The following THSD7B variants were observed in gnomAD, a reference collection of about 807,000 sequenced individuals.
THSD7B encodes the protein thrombospondin type-1 domain-containing protein 7B.
In THSD7B, 138 loss-of-function variants were observed where a neutral mutation model predicts 213.6. The observed-to-expected ratio is 0.65, with a 90% CI of 0.56 to 0.74. The LOEUF (loss-of-function observed/expected upper bound fraction) is 0.74. THSD7B is among the 30% of genes least tolerant of loss of function. The probability of loss-of-function intolerance (pLI) is 0.00; values close to 1 mark genes in which losing one functional copy is unlikely to be tolerated. For missense variants in THSD7B, 1,931 were observed against 1,991.5 expected (o/e 0.97, Z 0.58); for synonymous variants, 742 against 687.0 (o/e 1.08, Z -1.25).
intron 13 of THSD7B, among the ~76,000 whole-genome samples, chr2:137,407,271 C>T (rs968710587): frequency 9.2e-5 from 14 of 151,968 alleles, no homozygotes; most frequent in African/African-American, 3.4e-4. Context: ...AATAGCTGTA[C>T]ATTTTTTTCT....
At chr2:137,462,109 C>A (rs1401270345) in intron 15 of THSD7B, among the ~76,000 whole-genome samples, 1 of 152,084 alleles carries the variant, frequency 6.6e-6, no homozygotes, top group Non-Finnish European at 1.5e-5. Flanking sequence ...ATAAGTTTTA[C>A]ATTGTGCAGC....
At chr2:137,607,366 AC>A (rs1173639525) in intron 17 of THSD7B, among the ~76,000 whole-genome samples, 1 of 152,156 alleles carries the variant, frequency 6.6e-6, no homozygotes, top group Non-Finnish European at 1.5e-5. Flanking sequence ...TGTTTTCTGA[AC>A]CATTTCAGTA....
At chr2:136,839,153 C>T (rs1213296437) in intron 1 of THSD7B, among the ~76,000 whole-genome samples, 2 of 152,200 alleles carry the variant, frequency 1.3e-5, no homozygotes, top group Non-Finnish European at 2.9e-5. Context: ...TTTTCCTAGA[C>T]TATGCTTTGA....
At chr2:137,416,190 T>C (rs1686794784) in intron 14 of THSD7B, among the ~76,000 whole-genome samples, 1 of 152,198 alleles carries the variant, frequency 6.6e-6, no homozygotes, top group African/African-American at 2.4e-5. Flanking sequence ...TGTCTTGACT[T>C]ATCCACCTGA....
rs565723040 is a variant in THSD7B, at chr2:137,372,790, G to C, written c.2501-32823G>C. Among the ~76,000 whole-genome samples the C allele has an allele frequency of 4.0e-4, 61 of 151,794 alleles. No individual in the cohort carries two copies. In the East Asian group the frequency reaches 0.011, roughly 28 times the overall value. On this transcript the variant is annotated intron_variant, in intron 12 of 27. Transcript: ENST00000409968. Reference sequence around the variant, plus strand: ...TATACATGTGCCATGCTGGTGTGCTGCACCCATTAACTCGTCATTTAGCAT... The same window carrying C: ...TATACATGTGCCATGCTGGTGTGCTCCACCCATTAACTCGTCATTTAGCAT...
At chr2:137,543,316 G>A (rs2105194725) in intron 15 of THSD7B, among the ~76,000 whole-genome samples, 1 of 151,966 alleles carries the variant, frequency 6.6e-6, no homozygotes, top group African/African-American at 2.4e-5. Context: ...TCTAAGGACA[G>A]GATGGGAGTA....
At chr2:136,954,641 C>CG (rs1450699056) in intron 2 of THSD7B, among the ~76,000 whole-genome samples, 1 of 140,148 alleles carries the variant, frequency 7.1e-6, no homozygotes, top group Non-Finnish European at 1.5e-5. Flanking sequence ...GTGTGAACCC[C>CG]GGGGAGCGGA....
chr2:137,287,311 G>A (rs912765322), intron 12 of THSD7B, among the ~76,000 whole-genome samples: 2 of 152,036 alleles, frequency 1.3e-5, no homozygotes, highest in African/African-American at 4.8e-5. Flanking sequence ...ACCATGTAGG[G>A]CAACTTTCTA....
chr2:137,533,120 G>A (rs1330652109), intron 15 of THSD7B, among the ~76,000 whole-genome samples: 1 of 151,476 alleles, frequency 6.6e-6, no homozygotes, highest in Non-Finnish European at 1.5e-5. Context: ...AAATATTAGA[G>A]AAGCCAAAAT....
At chr2:137,517,941 T>C (rs1680104230) in intron 15 of THSD7B, among the ~76,000 whole-genome samples, 3 of 152,186 alleles carry the variant, frequency 2.0e-5, no homozygotes, top group Admixed American at 2.0e-4. Context: ...CCATGCAACC[T>C]GAACTGCCTA....
chr2:137,360,493 A>C (rs1685228477), intron 12 of THSD7B, among the ~76,000 whole-genome samples: 1 of 152,106 alleles, frequency 6.6e-6, no homozygotes, highest in Non-Finnish European at 1.5e-5. Flanking sequence ...TACCAGGAAA[A>C]TCGGGACACT....
chr2:137,094,368 C>A (rs1377201876), intron 3 of THSD7B, among the ~76,000 whole-genome samples: 1 of 152,148 alleles, frequency 6.6e-6, no homozygotes, highest in South Asian at 2.1e-4. Context: ...GTCAGGATTT[C>A]AAGACCAGCT....
rs150955295 is a variant in THSD7B at position 137,108,484 on chromosome 2, A to C, written c.1200-6640A>C. On this transcript the variant is annotated intron_variant, in intron 4 of 27. Transcript: ENST00000409968. Reference sequence around the variant, plus strand: ...CCTCCCTCAATTTAGAAAATATTTTAATTATGTGATTCCTTCGGTGGGACA... The same window carrying C: ...CCTCCCTCAATTTAGAAAATATTTTCATTATGTGATTCCTTCGGTGGGACA... 4.3e-3 allele frequency among the ~76,000 whole-genome samples: 658 copies of C among 152,260 alleles called. 4 individuals carry two copies. The highest frequency in any genetic ancestry group is 0.013 in the Admixed American group (192 of 15,290).
At chr2:137,080,198 A>AATTGT (rs1212242322) in intron 3 of THSD7B, among the ~76,000 whole-genome samples, 3 of 149,062 alleles carry the variant, frequency 2.0e-5, no homozygotes, top group African/African-American at 7.4e-5. Flanking sequence ...ATATATATAT[A>AATTGT]ATTGTATTGT....
intron 14 of THSD7B, among the ~76,000 whole-genome samples, chr2:137,438,025 A>G (rs1687328212): frequency 6.6e-6 from 1 of 152,100 alleles, no homozygotes; most frequent in Non-Finnish European, 1.5e-5. Context: ...CTTGCATCTC[A>G]TACACTGAAG....
chr2:137,022,851 T>G (rs531956087), intron 2 of THSD7B, among the ~76,000 whole-genome samples: 1 of 152,278 alleles, frequency 6.6e-6, no homozygotes, highest in South Asian at 2.1e-4. Flanking sequence ...AAGTTTCTGT[T>G]GCAACTACTT....
chr2:137,339,186 T>A (rs10207310), intron 12 of THSD7B, among the ~76,000 whole-genome samples: 24,231 of 151,928 alleles, frequency 0.16, 2,114 homozygotes, highest in South Asian at 0.27. Context: ...TCAGTTGGAG[T>A]CCCGTGCCAT....
intron 1 of THSD7B, among the ~76,000 whole-genome samples, chr2:136,800,254 G>C (rs1193131896): frequency 6.6e-6 from 1 of 151,832 alleles, no homozygotes; most frequent in African/African-American, 2.4e-5. Flanking sequence ...ATTTGCATCA[G>C]TTTCTGCTAT....
chr2:137,196,768 T>C (rs1241832642), intron 7 of THSD7B, among the ~76,000 whole-genome samples: 1 of 152,182 alleles, frequency 6.6e-6, no homozygotes, highest in Non-Finnish European at 1.5e-5. Context: ...TAAATGAATG[T>C]CATGTTTAGA....
Sources: allele counts gnomAD v4.1 joint callset (sites outside exome capture counted in the v4.1 genomes callset), GRCh38; gene constraint gnomAD v4.1.1; transcripts MANE v1.5; gene names NCBI Gene and HGNC (gene_info 2026-07-23, HGNC 2026-07-21).